STXBP4: variants seen among roughly 807,000 people sequenced by gnomAD.
STXBP4 encodes the protein syntaxin binding protein 4, also known as syntaxin-binding protein 4.
A neutral mutation model predicts 76.1 loss-of-function variants in STXBP4; 55 were observed. That is an observed-to-expected ratio of 0.72 (90% CI 0.58 to 0.91). The LOEUF is 0.91. Among genes scored for constraint, STXBP4 ranks in the 40% least tolerant of loss-of-function variants. The pLI, the probability that STXBP4 is intolerant of heterozygous loss-of-function variation, is 0.00. For synonymous variants in STXBP4, 201 were observed against 220.2 expected (o/e 0.91, Z 0.77); for missense variants, 618 against 636.9 (o/e 0.97, Z 0.32).
intron 16 of STXBP4, among the ~76,000 whole-genome samples, chr17:55,114,240 A>G (rs916880483): frequency 6.6e-6 from 1 of 152,072 alleles, no homozygotes; most frequent in Non-Finnish European, 1.5e-5. Flanking sequence ...TTGGAAGCCA[A>G]CCTTACTCCT....
intron 13 of STXBP4, among the ~76,000 whole-genome samples, chr17:55,074,546 A>G (rs2079157734): frequency 6.6e-6 from 1 of 152,196 alleles, no homozygotes; most frequent in African/African-American, 2.4e-5. Flanking sequence ...GAAGTGAAAA[A>G]TCAAGAGTGT....
intron 16 of STXBP4, among the ~76,000 whole-genome samples, chr17:55,086,723 A>G (rs1409218217): frequency 2.0e-5 from 3 of 152,202 alleles, no homozygotes; most frequent in Non-Finnish European, 2.9e-5. Flanking sequence ...TAGTGCTGCA[A>G]TACACATGGC....
At chr17:55,028,263 G>A (rs752882231) in intron 8 of STXBP4, among the ~76,000 whole-genome samples, 7 of 152,070 alleles carry the variant, frequency 4.6e-5, no homozygotes, top group Non-Finnish European at 7.4e-5. Flanking sequence ...GTGAAAAATT[G>A]TGTATAATCT....
intron 13 of STXBP4, among the ~76,000 whole-genome samples, chr17:55,074,205 G>A (rs2079154360): frequency 6.6e-6 from 1 of 152,126 alleles, no homozygotes; most frequent in African/African-American, 2.4e-5. Context: ...TATAGCATGT[G>A]AAAATGAAAC....
chr17:55,123,354 A>C (rs1455377993), intron 16 of STXBP4, among the ~76,000 whole-genome samples: 2 of 152,190 alleles, frequency 1.3e-5, no homozygotes, highest in Non-Finnish European at 2.9e-5. Context: ...TGTCGAAATA[A>C]AAATGGACTA....
At chr17:55,041,930 C>A (rs140098167) in intron 10 of STXBP4, among the ~76,000 whole-genome samples, 1 of 152,102 alleles carries the variant, frequency 6.6e-6, no homozygotes, top group East Asian at 1.9e-4. Context: ...AAAATGTGTT[C>A]AAAATTAACA....
At position 55,164,660 on chromosome 17, in the gene STXBP4, G is replaced by A. The variant is rs1316320248; in HGVS notation, c.*4749G>A. ...GTAGAGACGGGGTTTCACCTTGTTA[G>A]CCAGGATGGTCTCGATCTCCTGACC... On this transcript the variant is annotated 3_prime_UTR_variant, in exon 18 of 18. Transcript: ENST00000376352. 1.3e-5 allele frequency: 2 copies of A among 150,142 alleles called. No homozygotes were observed. Among genetic ancestry groups the A allele is most frequent in the Non-Finnish European group, 3.0e-5 (2 of 67,590 alleles). The allele number at this position is 150,142 out of a possible 1,614,324, so 9.3% of individuals were successfully genotyped here.
At chr17:54,978,518 T>C (rs989291194) in intron 1 of STXBP4, among the ~76,000 whole-genome samples, 1 of 152,218 alleles carries the variant, frequency 6.6e-6, no homozygotes, top group Non-Finnish European at 1.5e-5. Flanking sequence ...ACACCAGATC[T>C]ATGTTATTTT....
chr17:54,994,803 TTC>T (rs1216361188), intron 4 of STXBP4, among the ~76,000 whole-genome samples: 1 of 151,942 alleles, frequency 6.6e-6, no homozygotes, highest in Non-Finnish European at 1.5e-5. Context: ...AGGGGCGAAT[TTC>T]TCTTTTTTTT....
At chr17:55,079,598 CAAA>C (rs5821084) in intron 15 of STXBP4, among the ~76,000 whole-genome samples, 18 of 114,246 alleles carry the variant, frequency 1.6e-4, no homozygotes, top group Non-Finnish European at 1.5e-4. Flanking sequence ...CCTATCTCTA[CAAA>C]AAAAAAAAAA....
intron 16 of STXBP4, among the ~76,000 whole-genome samples, chr17:55,119,367 T>C (rs2079818260): frequency 6.6e-6 from 1 of 152,148 alleles, no homozygotes; most frequent in Non-Finnish European, 1.5e-5. Context: ...GAGTTAATAC[T>C]ACTGATGGAT....
chr17:55,065,443 A>G (rs2079039974), intron 12 of STXBP4, among the ~76,000 whole-genome samples: 1 of 152,188 alleles, frequency 6.6e-6, no homozygotes, highest in East Asian at 1.9e-4. Context: ...TGTTTTAAAG[A>G]CAGATCTCCC....
At chr17:55,010,274 A>C (rs2078086005) in intron 8 of STXBP4, among the ~76,000 whole-genome samples, 1 of 151,984 alleles carries the variant, frequency 6.6e-6, no homozygotes. Context: ...ACACACATAC[A>C]AACATATATA....
At chr17:55,183,188 A>G in the STXBP4 span, among the ~76,000 whole-genome samples, 2 of 152,236 alleles carry the variant, frequency 1.3e-5, no homozygotes, top group Non-Finnish European at 2.9e-5. Flanking sequence ...AAAAACTACC[A>G]AGCAGCATTA....
At chr17:55,154,333 T>C (rs1265350890) in intron 17 of STXBP4, among the ~76,000 whole-genome samples, 1 of 152,204 alleles carries the variant, frequency 6.6e-6, no homozygotes, top group African/African-American at 2.4e-5. Flanking sequence ...CTGGGAAATG[T>C]AGTCTCTGCC....
At chr17:55,110,745 TAAG>T (rs1353888590) in intron 16 of STXBP4, among the ~76,000 whole-genome samples, 5 of 152,218 alleles carry the variant, frequency 3.3e-5, no homozygotes, top group Non-Finnish European at 7.4e-5. Flanking sequence ...ACTTTGATTC[TAAG>T]AATAGGCGGC....
At chr17:55,121,333 G>A (rs993233004) in intron 16 of STXBP4, among the ~76,000 whole-genome samples, 1 of 152,164 alleles carries the variant, frequency 6.6e-6, no homozygotes, top group Non-Finnish European at 1.5e-5. Flanking sequence ...TTGAATGGCA[G>A]TGATGGAACC....
intron 12 of STXBP4, among the ~76,000 whole-genome samples, chr17:55,053,106 G>T (rs2078881995): frequency 6.6e-6 from 1 of 151,776 alleles, no homozygotes; most frequent in Non-Finnish European, 1.5e-5. Flanking sequence ...ATGCTATAAA[G>T]GATATTATTG....
chr17:55,000,133 A>AT (rs2077883777), intron 6 of STXBP4: 1 of 772,626 alleles, frequency 1.3e-6, no homozygotes, highest in Non-Finnish European at 1.6e-6. Context: ...AGAATGTCAT[A>AT]TTTGGTTTCA....
Sources: allele counts gnomAD v4.1 joint callset (sites outside exome capture counted in the v4.1 genomes callset), GRCh38; gene constraint gnomAD v4.1.1; transcripts MANE v1.5; gene names NCBI Gene and HGNC (gene_info 2026-07-23, HGNC 2026-07-21).